Variants in EDNRA observed in about 807,000 individuals in gnomAD.
EDNRA encodes the protein endothelin-1 receptor.
A neutral mutation model predicts 41.4 loss-of-function variants in EDNRA; 11 were observed. That is an observed-to-expected ratio of 0.27 (90% confidence interval 0.17 to 0.44). The LOEUF (loss-of-function observed/expected upper bound fraction) is 0.44, where lower values mean the gene tolerates loss of function less well. Ranked by LOEUF, EDNRA falls within the 20% of genes least tolerant of loss-of-function variation. The pLI, the probability that EDNRA is intolerant of heterozygous loss-of-function variation, is 1.00. For synonymous variants in EDNRA, 172 were observed against 183.0 expected (o/e 0.94, Z 0.49); for missense variants, 294 against 531.0 (o/e 0.55, Z 4.39).
Position 147,486,017 on chromosome 4 carries a change from G to A in EDNRA, c.336G>A (p.Arg112=). ...TCATTTACCAGAACAAATGTATGAG[G>A]AATGGCCCCAACGCGCTGATAGCCA... ...LRIIYQNKCM[R]NGPNALIASL... The change falls in exon 2 of 8, where the codon AGG becomes AGA. Residue 112 remains arginine (R), a synonymous_variant. Transcript: ENST00000651419. The surrounding 1 kb of genome is among the most constrained non-coding windows in gnomAD (Gnocchi z 4.3). 6.2e-7 allele frequency: 1 copy of A among 1,614,220 alleles called. No individual in the cohort carries two copies. Among genetic ancestry groups the A allele is most frequent in the Non-Finnish European group, 8.5e-7 (1 of 1,180,046 alleles).
chr4:147,525,595 C>CAA (rs58331044), intron 3 of EDNRA, among the ~76,000 whole-genome samples: 1,544 of 132,384 alleles, frequency 0.012, 38 homozygotes, highest in African/African-American at 0.04. Flanking sequence ...TGTTTGGAGG[C>CAA]AAAAAAAAAA....
At chr4:147,532,393 G>T in intron 3 of EDNRA, 113 bp from the exon 4 acceptor site, 1 of 506,628 alleles carries the variant, frequency 2.0e-6, no homozygotes, top group Non-Finnish European at 3.2e-6. Context: ...TTCCTAAAAA[G>T]ACAATTACTG....
intron 5 of EDNRA, among the ~76,000 whole-genome samples, chr4:147,536,711 T>C (rs1432284494): frequency 6.6e-6 from 1 of 152,202 alleles, no homozygotes; most frequent in Non-Finnish European, 1.5e-5. Context: ...TCATGTACAT[T>C]AGAAGAGGTA....
intron 4 of EDNRA, among the ~76,000 whole-genome samples, chr4:147,533,726 T>G (rs1730827930): frequency 6.6e-6 from 1 of 152,212 alleles, no homozygotes; most frequent in South Asian, 2.1e-4. Context: ...TTGGGCTGTG[T>G]GAATAAGCAA....
In EDNRA at chr4:147,505,326, C is replaced by CTTTTTTTT. The variant is rs1729660192; in HGVS notation, c.421-14525_421-14524insTTTTTTTT. On this transcript the variant is annotated intron_variant, in intron 2 of 7. Transcript: ENST00000651419. The stretch of plus-strand genomic sequence containing the variant: ...AAGAGAGTTTGGCAGTTTCTTTTTT[C>CTTTTTTTT]ATTTTTTTTTTTTTTTTTTTTTTTT... 1.7e-4 allele frequency among the ~76,000 whole-genome samples: 14 copies of CTTTTTTTT among 82,000 alleles called. 1 individual carries two copies. The highest frequency in any genetic ancestry group is 6.5e-4 in the African/African-American group (12 of 18,414). 53.8% of individuals were successfully genotyped at this position (82,000 alleles called of 152,430 possible).
chr4:147,485,491 A>G (rs1728912816), intron 1 of EDNRA, 121 bp from the exon 2 acceptor site: 1 of 714,554 alleles, frequency 1.4e-6, no homozygotes, highest in Non-Finnish European at 2.2e-6. Flanking sequence ...CCTGATATAC[A>G]TATATCTTAT....
chr4:147,542,322 G>C (rs533154868), intron 7 of EDNRA, among the ~76,000 whole-genome samples, 156 bp from the exon 8 acceptor site: 22 of 152,296 alleles, frequency 1.4e-4, no homozygotes, highest in African/African-American at 5.1e-4. Context: ...CTCCTGCCTG[G>C]TGATAACAGG....
chr4:147,536,642 A>G (rs748396920), intron 5 of EDNRA, among the ~76,000 whole-genome samples: 8 of 152,200 alleles, frequency 5.3e-5, no homozygotes, highest in Non-Finnish European at 1.0e-4. Context: ...GGAATGGGAA[A>G]AAGGAGATGA....
intron 7 of EDNRA, among the ~76,000 whole-genome samples, chr4:147,541,085 A>G (rs867565451): frequency 0.018 from 2,598 of 146,614 alleles, 116 homozygotes; most frequent in African/African-American, 0.06. Context: ...AAAAAAAAAA[A>G]AAAAAAAAAA....
chr4:147,523,898 TGGCC>T (rs1359597330), intron 3 of EDNRA, among the ~76,000 whole-genome samples: 10 of 152,264 alleles, frequency 6.6e-5, no homozygotes, highest in Non-Finnish European at 1.5e-4. Flanking sequence ...CTTCCCATCA[TGGCC>T]TGAACTCGTA....
chr4:147,485,908 C>G lies in EDNRA; in HGVS notation c.227C>G (p.Thr76Ser). 1.2e-6 allele frequency: 2 copies of G among 1,614,238 alleles called. No homozygotes were observed. The highest frequency in any genetic ancestry group is 2.2e-5 in the East Asian group (1 of 44,886). The part of the protein sequence containing the change: ...HNYCPQQTKI[T>S]SAFKYINTVI... ...TATTGCCCACAGCAGACTAAAATTACTTCAGCTTTCAAATACATTAACACT... is the reference window on the plus strand; with the variant it reads ...TATTGCCCACAGCAGACTAAAATTAGTTCAGCTTTCAAATACATTAACACT... Residue 76 changes from threonine (T) to serine (S), a missense_variant, in exon 2 of 8, where the codon ACT becomes AGT. Coordinates refer to ENST00000651419, the MANE Select transcript of EDNRA (RefSeq NM_001957.4).
chr4:147,524,606 C>T (rs922377082), intron 3 of EDNRA, among the ~76,000 whole-genome samples: 1 of 152,090 alleles, frequency 6.6e-6, no homozygotes, highest in Non-Finnish European at 1.5e-5. Flanking sequence ...AGTTGTAGAT[C>T]AAGGAAATGA....
chr4:147,526,386 G>A (rs1044178286), intron 3 of EDNRA, among the ~76,000 whole-genome samples: 2 of 152,118 alleles, frequency 1.3e-5, no homozygotes, highest in East Asian at 3.9e-4. Context: ...TGTGTCAGAG[G>A]TCCAACACTC....
intron 3 of EDNRA, among the ~76,000 whole-genome samples, chr4:147,524,602 A>C (rs1730467011): frequency 6.6e-6 from 1 of 152,216 alleles, no homozygotes; most frequent in Admixed American, 6.5e-5. Flanking sequence ...TCTGAGTTGT[A>C]GATCAAGGAA....
At chr4:147,522,463 G>A (rs1378143954) in intron 3 of EDNRA, among the ~76,000 whole-genome samples, 4 of 152,006 alleles carry the variant, frequency 2.6e-5, no homozygotes, top group Admixed American at 6.6e-5. Context: ...GCTTGAACCC[G>A]GGAGGTGGAA....
At chr4:147,495,196 T>C (rs1197290204) in intron 2 of EDNRA, 1 of 152,176 alleles carries the variant, frequency 6.6e-6, no homozygotes, top group East Asian at 1.9e-4. Flanking sequence ...CAGCTAGAAA[T>C]GGCAGGTCCA....
chr4:147,523,383 T>G (rs1730393141), intron 3 of EDNRA, among the ~76,000 whole-genome samples: 2 of 152,210 alleles, frequency 1.3e-5, no homozygotes, highest in Admixed American at 1.3e-4. Flanking sequence ...GCCTTCTCTC[T>G]GTCACGTGAT....
Position 147,532,547 on chromosome 4 carries a change from G to A in EDNRA, c.590G>A (p.Gly197Glu). ...TCCTGGAGTCGTGTTCAGGGAATTGGGATTCCTTTGGTAACTGCCATTGAA... is the reference window on the plus strand; with the variant it reads ...TCCTGGAGTCGTGTTCAGGGAATTGAGATTCCTTTGGTAACTGCCATTGAA... ...VASWSRVQGI[G>E]IPLVTAIEIV... The change falls in exon 4 of 8, where the codon GGG (glycine) becomes GAG (glutamate). Residue 197 changes from glycine (G) to glutamate (E), a missense_variant. Gly to Glu is a moderately conservative substitution (Grantham distance 98). Coordinates refer to ENST00000651419, the MANE Select transcript of EDNRA (RefSeq NM_001957.4). 1 of 1,613,964 alleles carries A rather than the reference G, an allele frequency of 6.2e-7. No homozygotes were observed. The highest frequency in any genetic ancestry group is 8.5e-7 in the Non-Finnish European group (1 of 1,179,984).
Position 147,542,984 on chromosome 4 carries a change from A to G in EDNRA, c.*366A>G, listed in dbSNP as rs185924020. 1.2e-4 allele frequency: 20 copies of G among 161,924 alleles called. No individual in the cohort carries two copies. In the East Asian group the frequency reaches 2.4e-3, roughly 20 times the overall value. 10.0% of individuals were successfully genotyped at this position (161,924 alleles called of 1,614,324 possible). Reference sequence around the variant, plus strand: ...TTATGGCAGTTCTGGTGAATGTTCAATGGGAACTGGTCACCATGAAACTTT... The same window carrying G: ...TTATGGCAGTTCTGGTGAATGTTCAGTGGGAACTGGTCACCATGAAACTTT... On this transcript the variant is annotated 3_prime_UTR_variant, in exon 8 of 8. Transcript: ENST00000651419.
Sources: gnomAD v4.1 joint callset for allele counts (sites outside exome capture counted in the v4.1 genomes callset) on GRCh38, gnomAD v4.1.1 for gene constraint, Gnocchi (gnomAD v3.1) non-coding constraint, MANE v1.5 for transcripts, NCBI Gene and HGNC (gene_info 2026-07-23, HGNC 2026-07-21) for gene names.